SUMF1: variants seen among roughly 807,000 people sequenced by gnomAD.
The protein encoded by SUMF1 is sulfatase modifying factor 1.
In SUMF1, 48 loss-of-function variants were observed where a neutral mutation model predicts 47.6. The observed-to-expected ratio is 1.01, with a 90% CI of 0.80 to 1.28. SUMF1 has a LOEUF of 1.28. Among genes scored for constraint, SUMF1 ranks in the 50% most tolerant of loss-of-function variants. The pLI is 0.00. For synonymous variants in SUMF1, 230 were observed against 192.1 expected, an observed-to-expected ratio of 1.20 and a Z score of -1.63; for missense variants, 571 against 485.4, an observed-to-expected ratio of 1.18 and a Z score of -1.66.
At chr3:4,125,929 G>A (rs929983766) in intron 8 of SUMF1, among the ~76,000 whole-genome samples, 7 of 151,920 alleles carry the variant, frequency 4.6e-5, no homozygotes, top group African/African-American at 1.5e-4. Context: ...CTCCCACACT[G>A]GCCTTCCAAA....
intron 8 of SUMF1, among the ~76,000 whole-genome samples, chr3:4,354,562 C>A (rs533863795): frequency 6.6e-6 from 1 of 152,200 alleles, no homozygotes; most frequent in South Asian, 2.1e-4. Flanking sequence ...AGACCGACCG[C>A]GCAGGATCAG....
chr3:4,097,665 G>T (rs1692937211), intron 8 of SUMF1, among the ~76,000 whole-genome samples: 1 of 152,128 alleles, frequency 6.6e-6, no homozygotes, highest in East Asian at 1.9e-4. Flanking sequence ...CAAGAAAGGT[G>T]ATTTTCACCC....
At chr3:4,194,897 A>G (rs554838619) in intron 8 of SUMF1, among the ~76,000 whole-genome samples, 19 of 152,274 alleles carry the variant, frequency 1.2e-4, no homozygotes, top group Admixed American at 1.2e-3. Flanking sequence ...TATAGAAAGT[A>G]AAAGAGTTAA....
chr3:4,198,169 G>C (rs569614447), intron 8 of SUMF1, among the ~76,000 whole-genome samples: 1 of 151,394 alleles, frequency 6.6e-6, no homozygotes, highest in Non-Finnish European at 1.5e-5. Flanking sequence ...CTTACTCATT[G>C]GCAGTGAAGG....
intron 6 of SUMF1, among the ~76,000 whole-genome samples, chr3:4,411,722 A>G (rs964189389): frequency 6.6e-6 from 1 of 151,794 alleles, no homozygotes; most frequent in Non-Finnish European, 1.5e-5. Flanking sequence ...AAAAAAAAAA[A>G]ACTTTAACTG....
At chr3:4,167,252 G>A (rs1003195149) in intron 8 of SUMF1, among the ~76,000 whole-genome samples, 2 of 152,000 alleles carry the variant, frequency 1.3e-5, no homozygotes, top group African/African-American at 2.4e-5. Context: ...CAGCATGGAA[G>A]GGGACCCAGG....
intron 8 of SUMF1, among the ~76,000 whole-genome samples, chr3:4,312,636 AG>A (rs2125096299): frequency 6.6e-6 from 1 of 151,290 alleles, no homozygotes; most frequent in East Asian, 1.9e-4. Context: ...GCTTGAGCCC[AG>A]GTTACAGTGA....
chr3:4,054,350 G>A (rs1175773521), intron 9 of SUMF1, among the ~76,000 whole-genome samples: 4 of 152,076 alleles, frequency 2.6e-5, no homozygotes, highest in Admixed American at 1.3e-4. Context: ...TCAGCACTAG[G>A]TCTAGAAATT....
intron 8 of SUMF1, among the ~76,000 whole-genome samples, chr3:4,116,550 A>C (rs1054156338): frequency 2.0e-5 from 3 of 152,240 alleles, no homozygotes; most frequent in East Asian, 1.9e-4. Context: ...GGTGTTTAAA[A>C]TTCAGTGCTC....
chr3:4,163,363 A>AAAGGAAGGAAGGAAGGAAGAAGG lies in SUMF1; in HGVS notation c.1015-94619_1015-94618insCCTTCTTCCTTCCTTCCTTCCTT, dbSNP rs375774371. Among the ~76,000 whole-genome samples the AAAGGAAGGAAGGAAGGAAGAAGG allele has an allele frequency of 1.7e-3, 53 of 31,576 alleles. 12 individuals carry two copies. In the East Asian group the frequency reaches 0.019, roughly 11 times the overall value. The allele number at this position is 31,576 out of a possible 152,430, so 20.7% of individuals were successfully genotyped here. A position where few individuals can be genotyped will look rare whatever the true frequency, so the allele number is the denominator to read the frequency against. ...GAGAGAGAGAGACAGAGAGAGAGAGAAAGGAAGGAAGGAAGGAAGGGAGGG... is the reference window on the plus strand; with the variant it reads ...GAGAGAGAGAGACAGAGAGAGAGAGAAAGGAAGGAAGGAAGGAAGAAGGAAGGAAGGAAGGAAGGAAGGGAGGG... On this transcript the variant is annotated intron_variant and NMD_transcript_variant, in intron 8 of 12. Coordinates refer to the SUMF1 transcript ENST00000448413.
chr3:4,466,503 G>C (rs2079950471), intron 1 of SUMF1, among the ~76,000 whole-genome samples: 1 of 152,140 alleles, frequency 6.6e-6, no homozygotes, highest in Non-Finnish European at 1.5e-5. Flanking sequence ...AGTTTGCTTA[G>C]CCCTTCCTAA....
chr3:4,084,288 A>G (rs1336204818), intron 8 of SUMF1, among the ~76,000 whole-genome samples: 2 of 152,138 alleles, frequency 1.3e-5, no homozygotes, highest in Non-Finnish European at 2.9e-5. Context: ...ACTGGACCCA[A>G]TAGATTGACT....
At chr3:4,211,426 T>G (rs1695791497) in intron 8 of SUMF1, among the ~76,000 whole-genome samples, 1 of 151,662 alleles carries the variant, frequency 6.6e-6, no homozygotes, top group Non-Finnish European at 1.5e-5. Context: ...ATGCAGTATT[T>G]TATTTTCTAT....
rs1559640603 is a variant in SUMF1 at position 4,273,834 on chromosome 3, C to CATGGG, written c.1014+102495_1014+102496insCCCAT. 4.6e-4 allele frequency among the ~76,000 whole-genome samples: 22 copies of CATGGG among 48,282 alleles called. 2 individuals carry two copies. Among genetic ancestry groups the CATGGG allele is most frequent in the Admixed American group, 1.1e-3 (5 of 4,686 alleles). The allele number at this position is 48,282 out of a possible 152,430, so 31.7% of individuals were successfully genotyped here. A position where few individuals can be genotyped will look rare whatever the true frequency, so the allele number is the denominator to read the frequency against. Reference sequence around the variant, plus strand: ...GAGGGCATGGGAGGGGAGGGCATGGCAAGGGAGGGCATGGGAAGGCAGGGC... The same window carrying CATGGG: ...GAGGGCATGGGAGGGGAGGGCATGGCATGGGAAGGGAGGGCATGGGAAGGCAGGGC... On this transcript the variant is annotated intron_variant and NMD_transcript_variant, in intron 8 of 12. Transcript: ENST00000448413.
At chr3:4,413,249 T>A (rs1701602439) in intron 6 of SUMF1, among the ~76,000 whole-genome samples, 1 of 151,976 alleles carries the variant, frequency 6.6e-6, no homozygotes, top group South Asian at 2.1e-4. Flanking sequence ...CAAACAAACC[T>A]CTTGTCTCAG....
rs1213784165 is a variant in SUMF1, at chr3:4,039,208, A to ATTTTTTTTTTTTTTTTTT, written c.1191+29360_1191+29361insAAAAAAAAAAAAAAAAAA. ...CAAGCATGCCTGAAACATCTATGCA[A>ATTTTTTTTTTTTTTTTTT]ATTTTTTTTTTTTTTTTTTTTTTTT... On this transcript the variant is annotated intron_variant and NMD_transcript_variant, in intron 9 of 12. Transcript: ENST00000448413. Among the ~76,000 whole-genome samples, 7 of 46,182 alleles carry ATTTTTTTTTTTTTTTTTT rather than the reference A, an allele frequency of 1.5e-4. 1 individual carries two copies. The highest frequency in any genetic ancestry group is 1.1e-3 in the South Asian group (1 of 948). The allele number at this position is 46,182 out of a possible 152,430, so 30.3% of individuals were successfully genotyped here.
At chr3:4,056,325 C>A (rs1315325646) in intron 9 of SUMF1, among the ~76,000 whole-genome samples, 3 of 151,946 alleles carry the variant, frequency 2.0e-5, no homozygotes, top group African/African-American at 7.3e-5. Context: ...AATACAGAAA[C>A]TAAAAAGGTT....
intron 8 of SUMF1, among the ~76,000 whole-genome samples, chr3:4,285,706 C>T (rs1697619714): frequency 6.6e-6 from 1 of 152,082 alleles, no homozygotes; most frequent in African/African-American, 2.4e-5. Context: ...TACAGTACCT[C>T]ATAATGCCTC....
At chr3:4,141,506 G>T (rs904533942) in intron 8 of SUMF1, among the ~76,000 whole-genome samples, 1 of 151,950 alleles carries the variant, frequency 6.6e-6, no homozygotes, top group Non-Finnish European at 1.5e-5. Flanking sequence ...TTCATCAAGG[G>T]TCATTTAAAT....
Sources: allele counts gnomAD v4.1 joint callset (sites outside exome capture counted in the v4.1 genomes callset), GRCh38; gene constraint gnomAD v4.1.1; transcripts MANE v1.5; gene names NCBI Gene and HGNC (gene_info 2026-07-23, HGNC 2026-07-21).